Variants in NAB1 observed in about 807,000 individuals in gnomAD.
NAB1 encodes the protein NGFI-A binding protein 1.
In NAB1, 25 loss-of-function variants were observed where a neutral mutation model predicts 49.9. The observed-to-expected ratio is 0.50, with a 90% CI of 0.37 to 0.70. The LOEUF (loss-of-function observed/expected upper bound fraction) is 0.70, where lower values mean the gene tolerates loss of function less well. NAB1 is among the 30% of genes least tolerant of loss of function. NAB1 has a pLI of 0.00. For missense variants in NAB1, 489 were observed against 575.9 expected, an observed-to-expected ratio of 0.85 and a Z score of 1.54; for synonymous variants, 198 against 215.6, an observed-to-expected ratio of 0.92 and a Z score of 0.71.
rs1695298401 is a variant in NAB1, at chr2:190,680,742, A to G, written c.1006-2996A>G. ...AATGTTGAGTTCTTCCTTCTCTAAG[A>G]TGTCTGTACTTTGTAATTGTCCATA... On this transcript the variant is annotated intron_variant, in intron 6 of 9. Coordinates refer to ENST00000337386, the MANE Select transcript of NAB1 (RefSeq NM_005966.4). This position sits in a 1 kb window ranked among gnomAD's most constrained non-coding sequence, Gnocchi z 5.2. Among the ~76,000 whole-genome samples the G allele has an allele frequency of 6.6e-6, 1 of 152,178 alleles. No individual in the cohort carries two copies. Among genetic ancestry groups the G allele is most frequent in the Admixed American group, 6.5e-5 (1 of 15,276 alleles).
intron 2 of NAB1, among the ~76,000 whole-genome samples, chr2:190,650,779 ATTATC>A (rs1395705579): frequency 5.3e-5 from 8 of 152,214 alleles, no homozygotes; most frequent in Admixed American, 5.2e-4. Context: ...GACATACAAT[ATTATC>A]TTTAAGTTTA....
Position 190,670,271 on chromosome 2 carries a change from C to G in NAB1, c.820-55C>G, listed in dbSNP as rs1694735919. The G allele has an allele frequency of 6.6e-7, 1 of 1,506,800 alleles. No individual in the cohort carries two copies. Among genetic ancestry groups the G allele is most frequent in the Admixed American group, 2.1e-5 (1 of 47,078 alleles). 93.3% of individuals were successfully genotyped at this position (1,506,800 alleles called of 1,614,324 possible). On this transcript the variant is annotated intron_variant, in intron 4 of 9. Coordinates refer to ENST00000337386, the MANE Select transcript of NAB1 (RefSeq NM_005966.4). This position sits in a 1 kb window ranked among gnomAD's most constrained non-coding sequence, Gnocchi z 5.3. ...CTTATATTTTAAGTGAAACCTTTTGCATTTTGATGAAATTAAAATGTTCTT... is the reference window on the plus strand; with the variant it reads ...CTTATATTTTAAGTGAAACCTTTTGGATTTTGATGAAATTAAAATGTTCTT...
intron 3 of NAB1, among the ~76,000 whole-genome samples, chr2:190,658,461 CT>C (rs1694043352): frequency 6.6e-6 from 1 of 152,182 alleles, no homozygotes; most frequent in African/African-American, 2.4e-5. Context: ...TAAATGGTAA[CT>C]GTTTTCTTCA....
Position 190,684,663 on chromosome 2 carries a change from A to G in NAB1, c.1096-813A>G, listed in dbSNP as rs925322426. ...ATCAGGGCATTTTGTAACCAATTTT[A>G]TATAGCAGCTTTCTTGTCCTACTCT... On this transcript the variant is annotated intron_variant, in intron 7 of 9. Transcript: ENST00000337386. This position sits in a 1 kb window ranked among gnomAD's most constrained non-coding sequence, Gnocchi z 4.6. Among the ~76,000 whole-genome samples, 2 of 152,172 alleles carry G rather than the reference A, an allele frequency of 1.3e-5. No individual in the cohort carries two copies. Among genetic ancestry groups the G allele is most frequent in the Non-Finnish European group, 2.9e-5 (2 of 68,024 alleles).
At chr2:190,660,117 T>A in intron 4 of NAB1, 122 bp downstream of exon 4, 1 of 845,552 alleles carries the variant, frequency 1.2e-6, no homozygotes, top group South Asian at 1.8e-5. Context: ...TTAAAAACAT[T>A]GAGGTGTTAG....
At chr2:190,650,682 A>G (rs138322203) in intron 2 of NAB1, among the ~76,000 whole-genome samples, 228 of 152,324 alleles carry the variant, frequency 1.5e-3, no homozygotes, top group Middle Eastern at 6.8e-3. Context: ...TGAAGACCTG[A>G]AAGAGCTGCT....
Position 190,677,734 on chromosome 2 carries a change from A to T in NAB1, c.1005+4582A>T, listed in dbSNP as rs543231145. ...CCATTTTACAGCCAAGGAGAGACCC[A>T]GACAGGCTCAGTATCTTCACCTGTG... On this transcript the variant is annotated intron_variant, in intron 6 of 9. Transcript: ENST00000337386. The surrounding 1 kb of genome is among the most constrained non-coding windows in gnomAD (Gnocchi z 5.6). 1.4e-4 allele frequency among the ~76,000 whole-genome samples: 21 copies of T among 152,294 alleles called. No homozygotes were observed. The highest frequency in any genetic ancestry group is 2.0e-4 in the Admixed American group (3 of 15,284).
In NAB1 at chr2:190,663,559, T is replaced by A. The variant is rs1694332830; in HGVS notation, c.819+3564T>A. Among the ~76,000 whole-genome samples, 1 of 152,236 alleles carries A rather than the reference T, an allele frequency of 6.6e-6. No individual in the cohort carries two copies. The highest frequency in any genetic ancestry group is 2.1e-4 in the South Asian group (1 of 4,834). ...GGCCCGTAAAGCCTAAAATATTTAC[T>A]CTCTGGCCTTTTACAGAAAAAGCTT... On this transcript the variant is annotated intron_variant, in intron 4 of 9. Transcript: ENST00000337386. This position sits in a 1 kb window ranked among gnomAD's most constrained non-coding sequence, Gnocchi z 4.2.
intron 9 of NAB1, among the ~76,000 whole-genome samples, chr2:190,688,879 G>A (rs953945388): frequency 1.4e-5 from 2 of 141,708 alleles, no homozygotes; most frequent in Admixed American, 7.4e-5. Flanking sequence ...TCGCTTTCTC[G>A]CCCAGGCTGG....
chr2:190,664,349 CT>C (rs539518993), intron 4 of NAB1, among the ~76,000 whole-genome samples: 8,357 of 143,552 alleles, frequency 0.058, 298 homozygotes, highest in Middle Eastern at 0.14. Context: ...ATCTTTATAT[CT>C]TTTTTTTTTT....
At chr2:190,660,319 C>CT (rs1313658162) in intron 4 of NAB1, among the ~76,000 whole-genome samples, 1 of 152,022 alleles carries the variant, frequency 6.6e-6, no homozygotes, top group African/African-American at 2.4e-5. Flanking sequence ...AAAAATAAAA[C>CT]TAGGTTTTAA....
Position 190,669,727 on chromosome 2 carries a change from A to G in NAB1, c.820-599A>G, listed in dbSNP as rs1990461. 0.23 allele frequency among the ~76,000 whole-genome samples: 34,550 copies of G among 152,188 alleles called. 5,112 individuals are homozygous for G. Among genetic ancestry groups the G allele is most frequent in the South Asian group, 0.34 (1,654 of 4,828 alleles). ...AAGTGTTTGGTCAACTAGCAACTCT[A>G]TATTGGCAATATTTAATAATTACTG... On this transcript the variant is annotated intron_variant, in intron 4 of 9. Transcript: ENST00000337386. The surrounding 1 kb of genome is among the most constrained non-coding windows in gnomAD (Gnocchi z 4.3).
chr2:190,659,991 A>T lies in NAB1; in HGVS notation c.815A>T (p.His272Leu). The T allele has an allele frequency of 6.2e-7, 1 of 1,610,256 alleles. No homozygotes were observed. The highest frequency in any genetic ancestry group is 8.5e-7 in the Non-Finnish European group (1 of 1,176,746). The change falls in exon 4 of 10, where the codon CAT becomes CTT. Residue 272 changes from histidine to leucine, a missense_variant. His to Leu is a moderately conservative substitution (Grantham distance 99). This residue lies in a region of NAB1 where 38 missense variants were observed against 70.1 expected (regional missense o/e 0.54). Coordinates refer to ENST00000337386, the MANE Select transcript of NAB1 (RefSeq NM_005966.4). The surrounding 1 kb of genome is among the most constrained non-coding windows in gnomAD (Gnocchi z 6.2). Reference sequence around the variant, plus strand: ...AAGGATGGGAAACATCTCACACTTCATGAGGTACAAAGCCCGCGTTGTTCC... The same window carrying T: ...AAGGATGGGAAACATCTCACACTTCTTGAGGTACAAAGCCCGCGTTGTTCC... ...KRKDGKHLTL[H>L]ELTVNEAAAQ...
chr2:190,678,345 G>A lies in NAB1; in HGVS notation c.1005+5193G>A, dbSNP rs1292555433. 6.6e-6 allele frequency among the ~76,000 whole-genome samples: 1 copy of A among 152,152 alleles called. No individual in the cohort carries two copies. The highest frequency in any genetic ancestry group is 6.5e-5 in the Admixed American group (1 of 15,272). ...TCATTAAGAACACATTCAGTTCCAT[G>A]AACAAATTTGTTATTAACTCCAATG... On this transcript the variant is annotated intron_variant, in intron 6 of 9. Coordinates refer to ENST00000337386, the MANE Select transcript of NAB1 (RefSeq NM_005966.4). The surrounding 1 kb of genome is among the most constrained non-coding windows in gnomAD (Gnocchi z 4.9).
rs139792478 is a variant in NAB1 at position 190,659,986 on chromosome 2, A to T, written c.810A>T (p.Thr270=). 285 of 1,611,164 alleles carry T rather than the reference A, an allele frequency of 1.8e-4. 1 individual carries two copies. In the African/African-American group the frequency reaches 2.9e-3, roughly 16 times the overall value. The change falls in exon 4 of 10, where the codon ACA becomes ACT. Residue 270 remains threonine (T), a synonymous_variant. Transcript: ENST00000337386. This position sits in a 1 kb window ranked among gnomAD's most constrained non-coding sequence, Gnocchi z 6.2. ...DSKRKDGKHL[T]LHELTVNEAA... is the part of the protein sequence containing the mutation. ...AGAGGAAGGATGGGAAACATCTCAC[A>T]CTTCATGAGGTACAAAGCCCGCGTT...
At chr2:190,672,139 ACCTTGGACTCCT>A (rs1694844601) in intron 5 of NAB1, among the ~76,000 whole-genome samples, 1 of 152,034 alleles carries the variant, frequency 6.6e-6, no homozygotes, top group Non-Finnish European at 1.5e-5. Flanking sequence ...TTTAGAAGCC[ACCTTGGACTCCT>A]AAGGTGCCCT....
rs556369782 is a variant in NAB1 at position 190,651,796 on chromosome 2, G to T, written c.-197+1814G>T. Among the ~76,000 whole-genome samples the T allele has an allele frequency of 3.0e-3, 455 of 152,286 alleles. 9 individuals are homozygous for T. Among genetic ancestry groups the T allele is most frequent in the African/African-American group, 0.011 (439 of 41,556 alleles). ...TAAATGCAAAGCTGTGTTTTGGATG[G>T]AAGTGACCATTTTATAATATGTTTT... On this transcript the variant is annotated intron_variant, in intron 2 of 9. Transcript: ENST00000337386. The surrounding 1 kb of genome is among the most constrained non-coding windows in gnomAD (Gnocchi z 4.3).
In NAB1 at chr2:190,651,105, T is replaced by C. The variant is rs900148324; in HGVS notation, c.-197+1123T>C. Among the ~76,000 whole-genome samples, 3 of 152,354 alleles carry C rather than the reference T, an allele frequency of 2.0e-5. No homozygotes were observed. The highest frequency in any genetic ancestry group is 3.4e-3 in the Middle Eastern group (1 of 294). On this transcript the variant is annotated intron_variant, in intron 2 of 9. Coordinates refer to ENST00000337386, the MANE Select transcript of NAB1 (RefSeq NM_005966.4). The surrounding 1 kb of genome is among the most constrained non-coding windows in gnomAD (Gnocchi z 4.3). ...TAATAATGACAACATTGAGGAACTG[T>C]AGATTTTTATTTTATTCTGCCTGCT...
At position 190,651,705 on chromosome 2, in the gene NAB1, G is replaced by C. The variant is rs1693677455; in HGVS notation, c.-197+1723G>C. Among the ~76,000 whole-genome samples, 1 of 152,114 alleles carries C rather than the reference G, an allele frequency of 6.6e-6. No individual in the cohort carries two copies. Among genetic ancestry groups the C allele is most frequent in the Non-Finnish European group, 1.5e-5 (1 of 68,020 alleles). ...CATTTATTCCATTATAACAAGCCTG[G>C]AGCTGTTTTTTGTGAGTGCTATTTA... On this transcript the variant is annotated intron_variant, in intron 2 of 9. Transcript: ENST00000337386. This position sits in a 1 kb window ranked among gnomAD's most constrained non-coding sequence, Gnocchi z 4.3.
Sources: allele counts gnomAD v4.1 joint callset (sites outside exome capture counted in the v4.1 genomes callset), GRCh38; gene constraint gnomAD v4.1.1; regional missense constraint gnomAD v4.1.1; non-coding constraint Gnocchi (gnomAD v3.1); transcripts MANE v1.5; gene names NCBI Gene and HGNC (gene_info 2026-07-23, HGNC 2026-07-21).